Variants in CYP26B1 observed in about 807,000 individuals in gnomAD.
The protein encoded by CYP26B1 is cytochrome P450 26B1.
Under a neutral mutation model 39.1 loss-of-function variants are expected in CYP26B1, and 8 were observed. The observed-to-expected ratio is 0.20, with a 90% CI of 0.12 to 0.37. The LOEUF is 0.37. CYP26B1 is among the 10% of genes least tolerant of loss of function. The pLI is 1.00. For missense variants in CYP26B1, 615 were observed against 707.0 expected, an observed-to-expected ratio of 0.87 and a Z score of 1.48; for synonymous variants, 321 against 314.3, an observed-to-expected ratio of 1.02 and a Z score of -0.23.
rs368103569 is a variant in CYP26B1, at chr2:72,132,608, G to A, written c.1158C>T (p.Ile386=). 1 of 1,606,962 alleles carries A rather than the reference G, an allele frequency of 6.2e-7. No individual in the cohort carries two copies. Among genetic ancestry groups the A allele is most frequent in the Non-Finnish European group, 8.5e-7 (1 of 1,177,120 alleles). Residue 386 remains isoleucine, a synonymous_variant, in exon 6 of 6, where the codon ATC becomes ATT. Coordinates refer to ENST00000001146, the MANE Select transcript of CYP26B1 (RefSeq NM_019885.4). ...TATACATGACACTCCAGCCTTTGGG[G>A]ATCTGGAAACCCTGGAGCAAGATGG... ...LQTFELDGFQ[I]PKGWSVMYSI...
At chr2:72,134,027 C>T (rs1676681056) in intron 4 of CYP26B1, among the ~76,000 whole-genome samples, 2 of 152,214 alleles carry the variant, frequency 1.3e-5, no homozygotes, top group Admixed American at 1.3e-4. Flanking sequence ...GACCTGGGTC[C>T]ATTACTGGCC....
intron 2 of CYP26B1, among the ~76,000 whole-genome samples, chr2:72,140,143 ACCACAG>A (rs1676899586): frequency 6.6e-6 from 1 of 152,156 alleles, no homozygotes; most frequent in African/African-American, 2.4e-5. Flanking sequence ...ACACATCAGC[ACCACAG>A]CCTTGGACCC....
chr2:72,141,932 G>A (rs1410485018), intron 2 of CYP26B1, among the ~76,000 whole-genome samples: 2 of 152,132 alleles, frequency 1.3e-5, no homozygotes, highest in Non-Finnish European at 2.9e-5. Context: ...CAAAGAGGGG[G>A]CCCTGCATTT....
At chr2:72,140,192 G>A (rs1163521857) in intron 2 of CYP26B1, among the ~76,000 whole-genome samples, 2 of 152,200 alleles carry the variant, frequency 1.3e-5, no homozygotes, top group Admixed American at 6.5e-5. Context: ...ACAGAAAGGA[G>A]GGACAGACGG....
At chr2:72,134,593 G>A (rs892282627) in intron 4 of CYP26B1, among the ~76,000 whole-genome samples, 168 bp downstream of exon 4, 2 of 152,192 alleles carry the variant, frequency 1.3e-5, no homozygotes, top group Non-Finnish European at 2.9e-5. Flanking sequence ...GCAGGGGTGG[G>A]GACACAGACT....
In CYP26B1 at chr2:72,130,899, GCGCT is replaced by G. The variant is rs1216222251; in HGVS notation, c.*1324_*1327del. 6.6e-6 allele frequency: 1 copy of G among 152,438 alleles called. No individual in the cohort carries two copies. The highest frequency in any genetic ancestry group is 6.5e-5 in the Admixed American group (1 of 15,288). 9.4% of individuals were successfully genotyped at this position (152,438 alleles called of 1,614,324 possible). ...TCAGCTCCGAGGCAGAACTGCCGCT[GCGCT>G]CACCTCCCCCACGCTTTCGCCTCTT... is the stretch of plus-strand genomic sequence containing the variant. On this transcript the variant is annotated 3_prime_UTR_variant, in exon 6 of 6. Transcript: ENST00000001146.
Position 72,144,685 on chromosome 2 carries a change from G to T in CYP26B1, c.205-472C>A, listed in dbSNP as rs1187015705. The stretch of plus-strand genomic sequence containing the variant: ...TGCCCGGAGGCAGCAACTACAGATG[G>T]GGGTTGGAGTTTCCTCCGCTCTCCG... On this transcript the variant is annotated intron_variant, in intron 1 of 5. Coordinates refer to ENST00000001146, the MANE Select transcript of CYP26B1 (RefSeq NM_019885.4). Among the ~76,000 whole-genome samples, 3 of 149,906 alleles carry T rather than the reference G, an allele frequency of 2.0e-5. No homozygotes were observed. In the East Asian group the frequency reaches 5.8e-4, roughly 29 times the overall value.
chr2:72,142,313 G>A (rs952126239), intron 2 of CYP26B1, among the ~76,000 whole-genome samples: 20 of 152,288 alleles, frequency 1.3e-4, no homozygotes, highest in African/African-American at 4.6e-4. Context: ...CTCACACTCT[G>A]GTCCTGGCCA....
chr2:72,138,068 A>G (rs1676829513), intron 2 of CYP26B1, among the ~76,000 whole-genome samples: 1 of 152,178 alleles, frequency 6.6e-6, no homozygotes, highest in Non-Finnish European at 1.5e-5. Flanking sequence ...CTCAGAGCCC[A>G]CCGTGAGATG....
At chr2:72,143,864 G>A in intron 2 of CYP26B1, 125 bp downstream of exon 2, 1 of 1,171,186 alleles carries the variant, frequency 8.5e-7, no homozygotes, top group Non-Finnish European at 1.2e-6. Flanking sequence ...GGGAACTGCG[G>A]AGTCTTCAAG....
intron 1 of CYP26B1, 21 bp from the exon 2 acceptor site, chr2:72,144,234 T>A: frequency 6.4e-7 from 1 of 1,574,264 alleles, no homozygotes; most frequent in Non-Finnish European, 8.7e-7. Flanking sequence ...CACACCCGGG[T>A]CTCTCTCAGG....
chr2:72,141,744 C>G (rs1457100312), intron 2 of CYP26B1, among the ~76,000 whole-genome samples: 1 of 152,254 alleles, frequency 6.6e-6, no homozygotes, highest in Non-Finnish European at 1.5e-5. Context: ...CCTGAGTGTT[C>G]TAGTCTCCAG....
intron 2 of CYP26B1, among the ~76,000 whole-genome samples, chr2:72,139,463 T>A (rs1410892341): frequency 6.6e-6 from 1 of 152,094 alleles, no homozygotes; most frequent in Non-Finnish European, 1.5e-5. Context: ...CTGGGTACAC[T>A]CAGCCCCTCT....
At position 72,144,540 on chromosome 2, in the gene CYP26B1, A is replaced by ACCCCCACC. The variant is rs1442864567; in HGVS notation, c.205-335_205-328dup. ...TCTCCGCCCCCACCCCCACCCCCAC[A>ACCCCCACC]CCCCCACCCCGCGCTCGGGAGCCTC... On this transcript the variant is annotated intron_variant, in intron 1 of 5. Coordinates refer to ENST00000001146, the MANE Select transcript of CYP26B1 (RefSeq NM_019885.4). 1.8e-4 allele frequency: 132 copies of ACCCCCACC among 716,294 alleles called. No homozygotes were observed. The East Asian group carries it at 6.3e-3, about 34-fold the overall frequency. The allele number at this position is 716,294 out of a possible 1,614,324, so 44.4% of individuals were successfully genotyped here.
intron 2 of CYP26B1, among the ~76,000 whole-genome samples, chr2:72,139,845 T>C (rs546900108): frequency 4.6e-5 from 7 of 152,154 alleles, no homozygotes; most frequent in Non-Finnish European, 5.9e-5. Flanking sequence ...CCAGACTCCA[T>C]AGAGCTGCCC....
In CYP26B1 at chr2:72,132,486, C is replaced by A; in HGVS notation, c.1280G>T (p.Gly427Val). 2.5e-6 allele frequency: 4 copies of A among 1,612,892 alleles called. No individual in the cohort carries two copies. Among genetic ancestry groups the A allele is most frequent in the Non-Finnish European group, 3.4e-6 (4 of 1,179,384 alleles). ...FSQARSEDKD[G>V]RFHYLPFGGG... ...ACCGAACGGGAGGTAATGGAAGCGGCCATCCTTGTCCTCGCTCCGCGCCTG... is the reference window on the plus strand; with the variant it reads ...ACCGAACGGGAGGTAATGGAAGCGGACATCCTTGTCCTCGCTCCGCGCCTG... Residue 427 changes from glycine to valine, a missense_variant, in exon 6 of 6, where the codon GGC (glycine) becomes GTC (valine). By Grantham distance (109) the Gly-to-Val change is moderately radical. Coordinates refer to ENST00000001146, the MANE Select transcript of CYP26B1 (RefSeq NM_019885.4).
rs1676905789 is a variant in CYP26B1, at chr2:72,140,267, G to A, written c.429+3722C>T. On this transcript the variant is annotated intron_variant, in intron 2 of 5. Coordinates refer to ENST00000001146, the MANE Select transcript of CYP26B1 (RefSeq NM_019885.4). ...TGCCTGGCACAAGGGCATGCAGAGG[G>A]AGGTGCCCACTCCCAGGCACCCTGG... Among the ~76,000 whole-genome samples the A allele has an allele frequency of 2.6e-5, 4 of 152,194 alleles. No homozygotes were observed. The South Asian group carries it at 6.2e-4, about 24-fold the overall frequency.
intron 5 of CYP26B1, among the ~76,000 whole-genome samples, 196 bp from the exon 6 acceptor site, chr2:72,132,815 C>T (rs542212237): frequency 6.6e-6 from 1 of 152,386 alleles, no homozygotes; most frequent in East Asian, 1.9e-4. Flanking sequence ...TGTAGATGTG[C>T]ACATGTGACT....
Position 72,147,522 on chromosome 2 carries a change from G to C in CYP26B1, c.204+109C>G. ...AGAGAGGAGGGAAGGGGCGGGGCGG[G>C]GACCAGTGCCTTCAGGCTCCCGGCG... On this transcript the variant is annotated intron_variant, in intron 1 of 5. Coordinates refer to ENST00000001146, the MANE Select transcript of CYP26B1 (RefSeq NM_019885.4). The surrounding 1 kb of genome is among the most constrained non-coding windows in gnomAD (Gnocchi z 6.1). 1.8e-6 allele frequency: 2 copies of C among 1,105,956 alleles called. No individual in the cohort carries two copies. Among genetic ancestry groups the C allele is most frequent in the Non-Finnish European group, 2.5e-6 (2 of 810,636 alleles). The allele number at this position is 1,105,956 out of a possible 1,614,324, so 68.5% of individuals were successfully genotyped here.
Sources: allele counts gnomAD v4.1 joint callset (sites outside exome capture counted in the v4.1 genomes callset), GRCh38; gene constraint gnomAD v4.1.1; non-coding constraint Gnocchi (gnomAD v3.1); transcripts MANE v1.5; gene names NCBI Gene and HGNC (gene_info 2026-07-23, HGNC 2026-07-21).